Variants in TLK2 observed in about 807,000 individuals in gnomAD.
The protein encoded by TLK2 is tousled like kinase 2.
TLK2 carries 6 observed loss-of-function variants against 117.3 expected under a neutral mutation model. That is an observed-to-expected ratio of 0.05 (90% confidence interval 0.03 to 0.10). The LOEUF (loss-of-function observed/expected upper bound fraction) is 0.10. TLK2 is among the 10% of genes least tolerant of loss of function. The probability of loss-of-function intolerance (pLI) is 1.00; values close to 1 mark genes in which losing one functional copy is unlikely to be tolerated. For synonymous variants in TLK2, 257 were observed against 316.7 expected, an observed-to-expected ratio of 0.81 and a Z score of 2.00; for missense variants, 299 against 901.2, an observed-to-expected ratio of 0.33 and a Z score of 8.56.
At chr17:62,600,899 G>T in intron 18 of TLK2, 79 bp downstream of exon 18, 1 of 1,362,706 alleles carries the variant, frequency 7.3e-7, no homozygotes, top group Non-Finnish European at 1.0e-6. Context: ...TAAAGTTAGA[G>T]AATTTCACAG....
intron 12 of TLK2, among the ~76,000 whole-genome samples, chr17:62,575,227 TTTAA>T (rs1215962545): frequency 6.6e-6 from 1 of 152,220 alleles, no homozygotes. Flanking sequence ...CAGTCCAGTT[TTTAA>T]TTAGAGTATC....
intron 2 of TLK2, among the ~76,000 whole-genome samples, chr17:62,494,049 T>C (rs1167517505): frequency 6.6e-6 from 1 of 152,212 alleles, no homozygotes; most frequent in African/African-American, 2.4e-5. Context: ...GCTAATTTGC[T>C]ATCCAGATTT....
chr17:62,516,455 G>A lies in TLK2; in HGVS notation c.82-4318G>A, dbSNP rs12949468. On this transcript the variant is annotated intron_variant, in intron 2 of 21. Coordinates refer to ENST00000346027, the MANE Select transcript of TLK2 (RefSeq NM_006852.6). ...CTCCTCATATACAGACCTTTAGGCC[G>A]AGGCCTGCCAGTCTCTGGACGGCTA... 1.8e-3 allele frequency: 2,869 copies of A among 1,594,208 alleles called. 35 individuals carry two copies. In the African/African-American group the frequency reaches 0.034, roughly 19 times the overall value.
chr17:62,476,657 A>T (rs557274504), upstream of TLK2, among the ~76,000 whole-genome samples: 1 of 152,264 alleles, frequency 6.6e-6, no homozygotes, highest in African/African-American at 2.4e-5. Flanking sequence ...CAGTTGGAGA[A>T]GTTTGAAAAG....
At chr17:62,589,657 C>T (rs1367638491) in intron 16 of TLK2, among the ~76,000 whole-genome samples, 1 of 152,094 alleles carries the variant, frequency 6.6e-6, no homozygotes, top group African/African-American at 2.4e-5. Flanking sequence ...GTTTTCTGTA[C>T]CTCAACAAGA....
intron 13 of TLK2, among the ~76,000 whole-genome samples, chr17:62,577,025 C>T (rs149062058): frequency 1.3e-3 from 175 of 134,368 alleles, no homozygotes; most frequent in African/African-American, 4.3e-3. Context: ...TGCAGTGGCA[C>T]GATCTTGGCT....
At chr17:62,574,394 G>T in intron 12 of TLK2, 1 of 1,458,084 alleles carries the variant, frequency 6.9e-7, no homozygotes, top group East Asian at 2.4e-5. Flanking sequence ...AGCCTTAGGA[G>T]CCCACAGTTT....
chr17:62,557,967 A>G (rs1211704079), intron 9 of TLK2, among the ~76,000 whole-genome samples: 1 of 152,196 alleles, frequency 6.6e-6, no homozygotes, highest in Non-Finnish European at 1.5e-5. Flanking sequence ...TAAATAAAAA[A>G]GGAAGACACA....
rs779028956 is a variant in TLK2, at chr17:62,600,864, G to A, written c.1720+44G>A. On this transcript the variant is annotated intron_variant, in intron 18 of 21. Coordinates refer to ENST00000346027, the MANE Select transcript of TLK2 (RefSeq NM_006852.6). ...AGACAGTATTAGTGGGTTTTCTTTGGTCTTATAAGTGACTTTTAATTTGAT... is the reference window on the plus strand; with the variant it reads ...AGACAGTATTAGTGGGTTTTCTTTGATCTTATAAGTGACTTTTAATTTGAT... The A allele has an allele frequency of 5.3e-6, 8 of 1,501,748 alleles. No homozygotes were observed. In the South Asian group the frequency reaches 1.1e-4, roughly 20 times the overall value. The allele number at this position is 1,501,748 out of a possible 1,614,324, so 93.0% of individuals were successfully genotyped here.
intron 2 of TLK2, chr17:62,508,393 A>G (rs2074891516): frequency 1.1e-6 from 1 of 919,476 alleles, no homozygotes; most frequent in African/African-American, 1.8e-5. Context: ...TTTACCATTC[A>G]ATTTATGGTT....
intron 2 of TLK2, among the ~76,000 whole-genome samples, chr17:62,491,583 T>C (rs2073114532): frequency 6.6e-6 from 1 of 152,108 alleles, no homozygotes; most frequent in Non-Finnish European, 1.5e-5. Context: ...GCTAAGTACT[T>C]CATATATTTA....
chr17:62,499,547 T>G (rs146525308), intron 2 of TLK2, among the ~76,000 whole-genome samples: 1,695 of 152,038 alleles, frequency 0.011, 35 homozygotes, highest in African/African-American at 0.039. Flanking sequence ...AGGAGCCATT[T>G]GTTGTATAGT....
chr17:62,561,646 CT>C (rs2079287153), intron 10 of TLK2, among the ~76,000 whole-genome samples: 1 of 152,194 alleles, frequency 6.6e-6, no homozygotes, highest in Admixed American at 6.5e-5. Context: ...GAAACACTGT[CT>C]TTCAGTAAAA....
intron 7 of TLK2, among the ~76,000 whole-genome samples, chr17:62,537,365 C>A (rs1278201460): frequency 2.0e-5 from 3 of 152,232 alleles, no homozygotes; most frequent in Non-Finnish European, 4.4e-5. Context: ...AGATACAACG[C>A]TCCTTGAATA....
At chr17:62,524,734 G>A (rs1390308279) in intron 6 of TLK2, among the ~76,000 whole-genome samples, 6 of 152,164 alleles carry the variant, frequency 3.9e-5, no homozygotes, top group African/African-American at 1.4e-4. Context: ...AAAAACTAAT[G>A]CTATGCAGAT....
At chr17:62,516,156 C>G (rs544329634) in intron 2 of TLK2, among the ~76,000 whole-genome samples, 3 of 152,176 alleles carry the variant, frequency 2.0e-5, no homozygotes, top group South Asian at 2.1e-4. Context: ...AACTCCTGAA[C>G]TCAGGTGATC....
At chr17:62,602,868 C>T (rs1598879939) in intron 19 of TLK2, among the ~76,000 whole-genome samples, 1 of 152,164 alleles carries the variant, frequency 6.6e-6, no homozygotes, top group Non-Finnish European at 1.5e-5. Context: ...GAAACTCAGG[C>T]CTTTAACTCT....
chr17:62,517,829 C>T (rs2075732542), intron 2 of TLK2, among the ~76,000 whole-genome samples: 1 of 152,188 alleles, frequency 6.6e-6, no homozygotes, highest in African/African-American at 2.4e-5. Context: ...TCCCGACTAG[C>T]TGGGACTATT....
intron 14 of TLK2, among the ~76,000 whole-genome samples, chr17:62,579,802 C>CTA (rs1459300709): frequency 6.6e-6 from 1 of 152,170 alleles, no homozygotes; most frequent in East Asian, 1.9e-4. Context: ...CTAAAAATCT[C>CTA]TAATCTACCC....
Sources: allele counts gnomAD v4.1 joint callset (sites outside exome capture counted in the v4.1 genomes callset), GRCh38; gene constraint gnomAD v4.1.1; transcripts MANE v1.5; gene names NCBI Gene and HGNC (gene_info 2026-07-23, HGNC 2026-07-21).